Variants in DGKB observed in about 807,000 individuals in gnomAD.
DGKB encodes 90 kDa diacylglycerol kinase.
A neutral mutation model predicts 114.3 loss-of-function variants in DGKB; 67 were observed. The observed-to-expected ratio is 0.59, with a 90% CI of 0.48 to 0.72. The LOEUF (loss-of-function observed/expected upper bound fraction) is 0.72. Among genes scored for constraint, DGKB ranks in the 30% least tolerant of loss-of-function variants. The pLI is 0.00. For missense variants in DGKB, 907 were observed against 975.2 expected (o/e 0.93, Z 0.93); for synonymous variants, 398 against 323.1 (o/e 1.23, Z -2.49).
At chr7:14,853,885 AAAAAAAAAT>A in intron 1 of DGKB, among the ~76,000 whole-genome samples, 1 of 143,930 alleles carries the variant, frequency 6.9e-6, no homozygotes, top group Non-Finnish European at 1.5e-5. Context: ...AAAAAAAAAA[AAAAAAAAAT>A]TTATCATAAA....
At chr7:14,170,178 AAAGAAAGAAAG>A in intron 25 of DGKB, among the ~76,000 whole-genome samples, 1 of 149,240 alleles carries the variant, frequency 6.7e-6, no homozygotes, top group African/African-American at 2.5e-5. Flanking sequence ...AGAAAGAAAG[AAAGAAAGAAAG>A]AAAGAAAGAA....
chr7:14,429,563 T>G (rs1336965581), intron 21 of DGKB, among the ~76,000 whole-genome samples: 1 of 152,156 alleles, frequency 6.6e-6, no homozygotes, highest in Non-Finnish European at 1.5e-5. Context: ...ATGGAAGATA[T>G]ATCTGAAGAG....
At chr7:14,615,893 C>A (rs1806417238) in intron 15 of DGKB, among the ~76,000 whole-genome samples, 1 of 151,520 alleles carries the variant, frequency 6.6e-6, no homozygotes, top group African/African-American at 2.4e-5. Context: ...CATTGTATTG[C>A]AATGCAAAAC....
chr7:14,706,426 G>T (rs1471915336), intron 6 of DGKB, among the ~76,000 whole-genome samples: 4 of 148,468 alleles, frequency 2.7e-5, no homozygotes, highest in African/African-American at 7.4e-5. Context: ...AAGTCAACAA[G>T]GATACCCAGG....
chr7:14,804,433 A>G (rs1349774007), intron 2 of DGKB, among the ~76,000 whole-genome samples: 1 of 152,026 alleles, frequency 6.6e-6, no homozygotes, highest in Non-Finnish European at 1.5e-5. Flanking sequence ...AAACATAAAT[A>G]CCTATGTACG....
chr7:14,904,281 GT>G (rs1348128892), upstream of DGKB, among the ~76,000 whole-genome samples: 1 of 151,918 alleles, frequency 6.6e-6, no homozygotes, highest in African/African-American at 2.4e-5. Flanking sequence ...TCAGCCTCCA[GT>G]TGTCTGAGCT....
intron 2 of DGKB, among the ~76,000 whole-genome samples, chr7:14,767,344 C>G (rs1250910205): frequency 6.6e-6 from 1 of 151,808 alleles, no homozygotes; most frequent in Non-Finnish European, 1.5e-5. Flanking sequence ...GGCAGATTGA[C>G]AAGTGCTGCT....
intron 20 of DGKB, among the ~76,000 whole-genome samples, chr7:14,493,925 T>TACAAAC (rs201167494): frequency 0.066 from 9,084 of 137,664 alleles, 406 homozygotes; most frequent in East Asian, 0.26. Flanking sequence ...CATGGTATCA[T>TACAAAC]ACACACACAC....
rs891892955 is a variant in DGKB, at chr7:14,146,425, T to G, written c.*2706A>C. The G allele has an allele frequency of 2.6e-5, 4 of 152,132 alleles. No homozygotes were observed. Among genetic ancestry groups the G allele is most frequent in the African/African-American group, 9.7e-5 (4 of 41,430 alleles). 9.4% of individuals were successfully genotyped at this position (152,132 alleles called of 1,614,324 possible). A position where few individuals can be genotyped will look rare whatever the true frequency, so the allele number is the denominator to read the frequency against. On this transcript the variant is annotated 3_prime_UTR_variant, in exon 26 of 26. Coordinates refer to ENST00000402815, the MANE Select transcript of DGKB (RefSeq NM_001350709.2). Reference sequence around the variant, plus strand: ...AGTTTCAGCCACTTAAAACTTTATGTCTCCTATATTAAAAGAGGGCGACTC... The same window carrying G: ...AGTTTCAGCCACTTAAAACTTTATGGCTCCTATATTAAAAGAGGGCGACTC...
At chr7:14,284,385 A>T (rs1800485726) in intron 23 of DGKB, among the ~76,000 whole-genome samples, 1 of 144,098 alleles carries the variant, frequency 6.9e-6, no homozygotes, top group Non-Finnish European at 1.5e-5. Context: ...GGATGTGGAG[A>T]AATAGGAACA....
chr7:14,605,110 T>C (rs1804237545), intron 17 of DGKB, among the ~76,000 whole-genome samples: 2 of 152,116 alleles, frequency 1.3e-5, no homozygotes, highest in African/African-American at 4.8e-5. Context: ...TTGATAGATA[T>C]TGACGTAGCA....
intron 1 of DGKB, among the ~76,000 whole-genome samples, chr7:14,895,015 A>G (rs576075892): frequency 6.6e-5 from 10 of 151,692 alleles, no homozygotes; most frequent in African/African-American, 2.4e-4. Context: ...TGATAGCAAA[A>G]TGACTCATCA....
intron 21 of DGKB, among the ~76,000 whole-genome samples, chr7:14,429,411 A>G (rs934962529): frequency 5.3e-5 from 8 of 152,178 alleles, no homozygotes; most frequent in Admixed American, 6.5e-5. Flanking sequence ...TGCAGACATC[A>G]TGATCTTGGA....
At chr7:14,369,535 C>A (rs1210359163) in intron 21 of DGKB, among the ~76,000 whole-genome samples, 1 of 152,176 alleles carries the variant, frequency 6.6e-6, no homozygotes, top group African/African-American at 2.4e-5. Flanking sequence ...ACACTCCCAC[C>A]AATATTGTAA....
chr7:14,387,556 G>T (rs1018967076), intron 21 of DGKB, among the ~76,000 whole-genome samples: 1 of 152,036 alleles, frequency 6.6e-6, no homozygotes, highest in Non-Finnish European at 1.5e-5. Flanking sequence ...GGGACTATAG[G>T]TCTGTGCCAA....
At chr7:14,368,573 C>CTGTGTG (rs3069084) in intron 21 of DGKB, among the ~76,000 whole-genome samples, 2,804 of 148,682 alleles carry the variant, frequency 0.019, 44 homozygotes, top group East Asian at 0.04. Flanking sequence ...GGTATTTTCT[C>CTGTGTG]TGTGTGTGTG....
At chr7:14,678,259 CA>C (rs1820225624) in intron 12 of DGKB, among the ~76,000 whole-genome samples, 1 of 152,008 alleles carries the variant, frequency 6.6e-6, no homozygotes, top group African/African-American at 2.4e-5. Flanking sequence ...GTTAACAGTG[CA>C]AACGATGTTA....
intron 23 of DGKB, among the ~76,000 whole-genome samples, chr7:14,309,607 C>A (rs1181132263): frequency 6.6e-6 from 1 of 152,182 alleles, no homozygotes; most frequent in East Asian, 1.9e-4. Context: ...TTTCTCTGGG[C>A]CTGCAGAAGT....
At chr7:14,210,820 C>G (rs1787647402) in intron 23 of DGKB, among the ~76,000 whole-genome samples, 3 of 152,088 alleles carry the variant, frequency 2.0e-5, no homozygotes, top group Admixed American at 6.6e-5. Context: ...CCTTTCCTCT[C>G]TGCTTCCTGT....
Sources: allele counts gnomAD v4.1 joint callset (sites outside exome capture counted in the v4.1 genomes callset), GRCh38; gene constraint gnomAD v4.1.1; transcripts MANE v1.5; gene names NCBI Gene and HGNC (gene_info 2026-07-23, HGNC 2026-07-21).